The following SHANK2 variants were observed in gnomAD, a reference collection of about 807,000 sequenced individuals.
SHANK2 encodes the protein SH3 and multiple ankyrin repeat domains 2.
In SHANK2, 43 loss-of-function variants were observed where a neutral mutation model predicts 133.7. That is an observed-to-expected ratio of 0.32 (90% CI 0.25 to 0.41). SHANK2 has a LOEUF of 0.41. SHANK2 is among the 10% of genes least tolerant of loss of function. The probability of loss-of-function intolerance (pLI) is 1.00; values close to 1 mark genes in which losing one functional copy is unlikely to be tolerated. For synonymous variants in SHANK2, 1,017 were observed against 952.8 expected, an observed-to-expected ratio of 1.07 and a Z score of -1.24; for missense variants, 1,994 against 2,235.8, an observed-to-expected ratio of 0.89 and a Z score of 2.18.
intron 17 of SHANK2, among the ~76,000 whole-genome samples, chr11:70,645,078 T>C (rs1242396400): frequency 1.3e-5 from 2 of 151,966 alleles, no homozygotes; most frequent in African/African-American, 2.4e-5. Flanking sequence ...AAAAATTAGC[T>C]GGGCACCTAT....
rs59221218 is a variant in SHANK2 at position 70,774,796 on chromosome 11, G to C, written c.1777+23647C>G. On this transcript the variant is annotated intron_variant, in intron 14 of 25. Coordinates refer to ENST00000601538, the MANE Select transcript of SHANK2 (RefSeq NM_012309.5). ...CAATTTAAGAAAAGAAAAAAAGGTT[G>C]GTGTCCTGTGTGAATTCCTTCGGAT... 6.5e-3 allele frequency among the ~76,000 whole-genome samples: 987 copies of C among 152,230 alleles called. 7 individuals are homozygous for C. The highest frequency in any genetic ancestry group is 0.023 in the African/African-American group (938 of 41,534).
chr11:71,248,298 A>T (rs540867028), intron 1 of SHANK2, among the ~76,000 whole-genome samples: 1 of 152,378 alleles, frequency 6.6e-6, no homozygotes, highest in East Asian at 1.9e-4. Context: ...CGTGGGGCAC[A>T]TCAAGAAGTA....
chr11:70,650,536 A>G (rs500335), intron 17 of SHANK2, among the ~76,000 whole-genome samples: 43,555 of 152,080 alleles, frequency 0.29, 6,325 homozygotes, highest in Non-Finnish European at 0.31. Flanking sequence ...AGATCCAGCA[A>G]TGCTCTTGCT....
chr11:71,066,042 A>AGATGAGCAGTGAGTGGGGAAGTTGGCGG (rs1951053463), intron 9 of SHANK2, among the ~76,000 whole-genome samples: 11 of 2,884 alleles, frequency 3.8e-3, no homozygotes, highest in South Asian at 0.033. Flanking sequence ...AAGTTGGGGG[A>AGATGAGCAGTGAGTGGGGAAGTTGGCGG]GGGTACAGAA....
chr11:70,693,659 G>A (rs1458306676), intron 15 of SHANK2, among the ~76,000 whole-genome samples: 2 of 152,200 alleles, frequency 1.3e-5, no homozygotes, highest in East Asian at 3.8e-4. Context: ...CAAAGAATGT[G>A]CTTGTCTTGT....
At chr11:70,870,618 A>G (rs556777923) in intron 11 of SHANK2, among the ~76,000 whole-genome samples, 1 of 152,254 alleles carries the variant, frequency 6.6e-6, no homozygotes, top group South Asian at 2.1e-4. Context: ...TGGGGACTGC[A>G]GGGAGACTCT....
At chr11:70,565,215 TCATCCATCCATCCATC>T (rs56072142) in intron 17 of SHANK2, among the ~76,000 whole-genome samples, 4 of 149,008 alleles carry the variant, frequency 2.7e-5, no homozygotes, top group South Asian at 4.4e-4. Context: ...GGAAGCAGTT[TCATCCATCCATCCATC>T]CATCCATCCA....
chr11:70,544,761 C>T (rs1298743618), intron 17 of SHANK2, among the ~76,000 whole-genome samples: 3 of 152,210 alleles, frequency 2.0e-5, no homozygotes, highest in African/African-American at 7.2e-5. Context: ...AGTCTCACTG[C>T]GACGACAGAG....
intron 10 of SHANK2, among the ~76,000 whole-genome samples, chr11:70,948,745 G>A (rs972144359): frequency 2.6e-5 from 4 of 152,212 alleles, no homozygotes; most frequent in South Asian, 2.1e-4. Flanking sequence ...AACCCCTGCC[G>A]AATGTCCACA....
At chr11:70,865,657 G>C (rs1022142114) in intron 11 of SHANK2, among the ~76,000 whole-genome samples, 7 of 152,130 alleles carry the variant, frequency 4.6e-5, no homozygotes, top group Non-Finnish European at 1.0e-4. Flanking sequence ...AATTGCTCTT[G>C]AGTCTGCTAG....
rs115057598 is a variant in SHANK2, at chr11:70,824,401, T to C, written c.1175-3719A>G. Among the ~76,000 whole-genome samples the C allele has an allele frequency of 4.3e-3, 656 of 152,284 alleles. 8 individuals are homozygous for C. Among genetic ancestry groups the C allele is most frequent in the African/African-American group, 0.014 (598 of 41,554 alleles). On this transcript the variant is annotated intron_variant, in intron 11 of 25. Transcript: ENST00000601538. ...GTTCCTCTGTGAAGCCTTTCTGTCA[T>C]TGAAGATGCCCTGCTAAGCAGCCGG...
In SHANK2 at chr11:71,073,018, C is replaced by T. The variant is rs1002097675; in HGVS notation, c.1029+2141G>A. Among the ~76,000 whole-genome samples, 5 of 152,040 alleles carry T rather than the reference C, an allele frequency of 3.3e-5. No individual in the cohort carries two copies. In the South Asian group the frequency reaches 8.3e-4, roughly 25 times the overall value. ...GTACTTAATGCCACCGAACTGCATA[C>T]TTAAAAGTGGTTAAAATGGCCTAAA... On this transcript the variant is annotated intron_variant, in intron 9 of 25. Transcript: ENST00000601538.
intron 11 of SHANK2, among the ~76,000 whole-genome samples, chr11:70,887,433 C>T (rs1023128233): frequency 5.9e-5 from 9 of 151,592 alleles, no homozygotes; most frequent in South Asian, 4.2e-4. Flanking sequence ...AACATACATG[C>T]TGGCCGGATT....
intron 17 of SHANK2, among the ~76,000 whole-genome samples, chr11:70,580,922 C>T (rs946494160): frequency 1.3e-5 from 2 of 152,170 alleles, no homozygotes; most frequent in African/African-American, 2.4e-5. Context: ...GGGTATACAC[C>T]CCACACTCCT....
At chr11:70,623,977 C>T (rs568369123) in intron 17 of SHANK2, among the ~76,000 whole-genome samples, 36 of 152,298 alleles carry the variant, frequency 2.4e-4, no homozygotes, top group Admixed American at 1.5e-3. Context: ...TGGGTCACAA[C>T]TCAGGGCTAA....
At chr11:71,153,908 T>G (rs1952850790) in intron 2 of SHANK2, among the ~76,000 whole-genome samples, 1 of 152,082 alleles carries the variant, frequency 6.6e-6, no homozygotes. Context: ...AGGCGGAGTT[T>G]GTAGTGAGCC....
chr11:70,652,174 A>C (rs2061346153), intron 17 of SHANK2, among the ~76,000 whole-genome samples: 1 of 152,228 alleles, frequency 6.6e-6, no homozygotes, highest in African/African-American at 2.4e-5. Flanking sequence ...CAGGCTGGTA[A>C]GTGCTCTGGG....
intron 6 of SHANK2, among the ~76,000 whole-genome samples, chr11:71,105,014 A>G (rs1246656126): frequency 1.3e-5 from 2 of 152,220 alleles, no homozygotes; most frequent in African/African-American, 2.4e-5. Context: ...TGATCTGTAC[A>G]AAAACCCACA....
intron 9 of SHANK2, among the ~76,000 whole-genome samples, chr11:71,065,830 GC>G (rs2135948996): frequency 1.2e-4 from 14 of 121,014 alleles, no homozygotes; most frequent in Non-Finnish European, 1.4e-4. Flanking sequence ...GAAGTTGGGG[GC>G]GGGGCATACA....
Sources: allele counts gnomAD v4.1 joint callset (sites outside exome capture counted in the v4.1 genomes callset), GRCh38; gene constraint gnomAD v4.1.1; transcripts MANE v1.5; gene names NCBI Gene and HGNC (gene_info 2026-07-23, HGNC 2026-07-21).